Variants in BMAL2 observed in about 807,000 individuals in gnomAD.
The protein encoded by BMAL2 is basic helix-loop-helix ARNT like 2.
chr12:27,363,844 T>G, the BMAL2 span, among the ~76,000 whole-genome samples: 1 of 152,218 alleles, frequency 6.6e-6, no homozygotes, highest in Non-Finnish European at 1.5e-5. Flanking sequence ...CCTTTATTGT[T>G]TTTACATTTT....
At chr12:27,368,542 C>A in the BMAL2 span, 1 of 1,144,470 alleles carries the variant, frequency 8.7e-7, no homozygotes, top group Non-Finnish European at 1.2e-6. Context: ...TACTTATCCA[C>A]CCATCTGCTA....
chr12:27,359,465 T>G, the BMAL2 span, among the ~76,000 whole-genome samples: 2 of 152,190 alleles, frequency 1.3e-5, no homozygotes, highest in Admixed American at 6.5e-5. Context: ...GAGGATCGCT[T>G]GAGCCCAGGA....
the BMAL2 span, chr12:27,403,517 C>A: frequency 6.2e-7 from 1 of 1,601,190 alleles, no homozygotes; most frequent in Non-Finnish European, 8.5e-7. Flanking sequence ...ACAGATATTG[C>A]AAATGAAATT....
At chr12:27,365,572 A>G in the BMAL2 span, among the ~76,000 whole-genome samples, 1 of 151,908 alleles carries the variant, frequency 6.6e-6, no homozygotes, top group South Asian at 2.1e-4. Flanking sequence ...AGGAATATTC[A>G]GGTTTTTATT....
At chr12:27,369,459 A>G in the BMAL2 span, among the ~76,000 whole-genome samples, 1 of 152,172 alleles carries the variant, frequency 6.6e-6, no homozygotes, top group African/African-American at 2.4e-5. Flanking sequence ...AAGGTTTTCT[A>G]CTGTTTTTGG....
the BMAL2 span, among the ~76,000 whole-genome samples, chr12:27,335,077 A>ATTTCGTTTTT: frequency 6.6e-6 from 1 of 152,206 alleles, no homozygotes; most frequent in Non-Finnish European, 1.5e-5. Context: ...GCTCAACGAA[A>ATTTCGTTTTT]CCTCTAGGAG....
chr12:27,348,830 A>T, the BMAL2 span, among the ~76,000 whole-genome samples: 1 of 152,178 alleles, frequency 6.6e-6, no homozygotes, highest in Non-Finnish European at 1.5e-5. Flanking sequence ...TCCTGCCCTC[A>T]AGGAGCTGTG....
the BMAL2 span, chr12:27,423,002 A>C: frequency 6.6e-6 from 1 of 152,226 alleles, no homozygotes; most frequent in Non-Finnish European, 1.5e-5. Context: ...GCAGATAGCC[A>C]GTTGAATACT....
chr12:27,340,004 T>C, the BMAL2 span, among the ~76,000 whole-genome samples: 1 of 152,220 alleles, frequency 6.6e-6, no homozygotes, highest in Admixed American at 6.5e-5. Context: ...TAGATCTTTG[T>C]CAGATGCATA....
chr12:27,338,102 C>G, the BMAL2 span, among the ~76,000 whole-genome samples: 1 of 152,172 alleles, frequency 6.6e-6, no homozygotes, highest in Non-Finnish European at 1.5e-5. Flanking sequence ...CTATTAAGTG[C>G]TTAATAAAGG....
chr12:27,353,203 A>G, the BMAL2 span, among the ~76,000 whole-genome samples: 3 of 152,238 alleles, frequency 2.0e-5, no homozygotes, highest in Non-Finnish European at 4.4e-5. Flanking sequence ...TAACCAAAAC[A>G]GCATGAGACT....
At chr12:27,395,299 A>G in the BMAL2 span, among the ~76,000 whole-genome samples, 1 of 152,114 alleles carries the variant, frequency 6.6e-6, no homozygotes, top group Admixed American at 6.5e-5. Flanking sequence ...TCTTCCTCTC[A>G]TTGTTTTGTG....
chr12:27,402,599 T>C, the BMAL2 span: 2 of 1,594,022 alleles, frequency 1.3e-6, no homozygotes, highest in Non-Finnish European at 1.7e-6. Flanking sequence ...GTAAATCACC[T>C]ATGGTGTTTT....
the BMAL2 span, among the ~76,000 whole-genome samples, chr12:27,409,482 G>C: frequency 6.6e-6 from 1 of 152,158 alleles, no homozygotes; most frequent in Admixed American, 6.5e-5. Flanking sequence ...CTGACAAAAA[G>C]AAGAAATGGG....
the BMAL2 span, chr12:27,403,284 A>G: frequency 1.6e-6 from 1 of 610,334 alleles, no homozygotes; most frequent in Non-Finnish European, 2.9e-6. Context: ...AAAGAGCATC[A>G]TGAATTACAT....
the BMAL2 span, among the ~76,000 whole-genome samples, chr12:27,334,685 T>G: frequency 6.6e-6 from 1 of 152,252 alleles, no homozygotes; most frequent in South Asian, 2.1e-4. Context: ...TATTTTAGAT[T>G]AATAGTTTAT....
chr12:27,342,285 A>C, the BMAL2 span, among the ~76,000 whole-genome samples: 6 of 152,246 alleles, frequency 3.9e-5, no homozygotes, highest in African/African-American at 1.4e-4. Context: ...ACTCTGTCTT[A>C]GAAGTTACTT....
the BMAL2 span, among the ~76,000 whole-genome samples, chr12:27,403,971 T>TGG: frequency 1.3e-5 from 2 of 150,492 alleles, no homozygotes; most frequent in African/African-American, 4.9e-5. Flanking sequence ...GAGACAAGCC[T>TGG]GGGCAACATG....
At chr12:27,407,863 GAA>G in the BMAL2 span, among the ~76,000 whole-genome samples, 1 of 151,964 alleles carries the variant, frequency 6.6e-6, no homozygotes, top group East Asian at 1.9e-4. Context: ...TAATAAAGAA[GAA>G]AAGAGAGAAG....
Sources: gnomAD v4.1 joint callset for allele counts (sites outside exome capture counted in the v4.1 genomes callset) on GRCh38, gnomAD v4.1.1 for gene constraint, MANE v1.5 for transcripts, NCBI Gene and HGNC (gene_info 2026-07-23, HGNC 2026-07-21) for gene names.